Variants in CNTNAP5 observed in about 807,000 individuals in gnomAD.
CNTNAP5 encodes the protein contactin associated protein family member 5, also known as contactin-associated protein-like 5.
Under a neutral mutation model 150.2 loss-of-function variants are expected in CNTNAP5, and 72 were observed. The ratio of observed to expected loss-of-function variants is 0.48; its 90% CI spans 0.40 to 0.58. CNTNAP5 has a LOEUF of 0.58. Among genes scored for constraint, CNTNAP5 ranks in the 20% least tolerant of loss-of-function variants. CNTNAP5 has a pLI of 0.00. For missense variants in CNTNAP5, 1,636 were observed against 1,626.2 expected (o/e 1.01, Z -0.10); for synonymous variants, 672 against 619.8 (o/e 1.08, Z -1.25).
At chr2:124,441,821 G>T (rs1165517794) in intron 5 of CNTNAP5, among the ~76,000 whole-genome samples, 1 of 151,336 alleles carries the variant, frequency 6.6e-6, no homozygotes, top group Non-Finnish European at 1.5e-5. Flanking sequence ...TTTCTCCATA[G>T]AATTGGTGGG....
chr2:124,254,685 T>C (rs573602444), intron 3 of CNTNAP5, among the ~76,000 whole-genome samples: 37 of 152,298 alleles, frequency 2.4e-4, no homozygotes, highest in African/African-American at 8.9e-4. Context: ...GGGGACTTGG[T>C]TGATGATGGG....
chr2:124,239,535 C>T (rs1435502801), intron 2 of CNTNAP5, among the ~76,000 whole-genome samples: 1 of 152,060 alleles, frequency 6.6e-6, no homozygotes, highest in East Asian at 1.9e-4. Context: ...ATAAAATTCT[C>T]AGCTTATAAA....
intron 8 of CNTNAP5, among the ~76,000 whole-genome samples, chr2:124,520,654 C>G (rs907350868): frequency 1.3e-5 from 2 of 152,146 alleles, no homozygotes. Flanking sequence ...AGGCCTCAGC[C>G]CCTATATCAT....
chr2:124,836,896 G>T (rs570421246), intron 19 of CNTNAP5, among the ~76,000 whole-genome samples: 2 of 152,170 alleles, frequency 1.3e-5, no homozygotes, highest in East Asian at 3.9e-4. Flanking sequence ...AATATGAATT[G>T]CGAATAATAA....
At chr2:124,148,788 CAT>C (rs1233533931) in intron 1 of CNTNAP5, among the ~76,000 whole-genome samples, 4 of 39,196 alleles carry the variant, frequency 1.0e-4, no homozygotes, top group African/African-American at 2.6e-4. Flanking sequence ...TGTGTGTATA[CAT>C]ATATGTGTGT....
intron 3 of CNTNAP5, among the ~76,000 whole-genome samples, chr2:124,296,842 C>T (rs1688443826): frequency 1.3e-5 from 2 of 152,198 alleles, no homozygotes. Context: ...GCAGTAGGCA[C>T]TGCTATTCAT....
chr2:124,115,302 G>C (rs1178766438), intron 1 of CNTNAP5, among the ~76,000 whole-genome samples: 1 of 152,054 alleles, frequency 6.6e-6, no homozygotes, highest in African/African-American at 2.4e-5. Flanking sequence ...ATAAACCATG[G>C]ACACATTAAG....
chr2:124,546,990 A>G (rs1695526903), intron 10 of CNTNAP5, among the ~76,000 whole-genome samples: 1 of 152,148 alleles, frequency 6.6e-6, no homozygotes, highest in South Asian at 2.1e-4. Flanking sequence ...TTTATTTTAT[A>G]TGTGTAAATA....
At chr2:124,122,629 G>A (rs1000650539) in intron 1 of CNTNAP5, among the ~76,000 whole-genome samples, 6 of 152,094 alleles carry the variant, frequency 3.9e-5, no homozygotes, top group East Asian at 3.9e-4. Context: ...GAGATAGAAG[G>A]AAAAGGCACA....
In CNTNAP5 at chr2:124,859,298, A is replaced by G. The variant is rs556627886; in HGVS notation, c.3218-6008A>G. On this transcript the variant is annotated intron_variant, in intron 19 of 23. Transcript: ENST00000682447. Reference sequence around the variant, plus strand: ...GAAGACATTTATGCAGCCAAAAAACACATGAAAAAATGCTCACCATCACTG... The same window carrying G: ...GAAGACATTTATGCAGCCAAAAAACGCATGAAAAAATGCTCACCATCACTG... Among the ~76,000 whole-genome samples the G allele has an allele frequency of 2.2e-3, 335 of 152,362 alleles. 6 individuals are homozygous for G. Among genetic ancestry groups the G allele is most frequent in the African/African-American group, 7.3e-3 (305 of 41,592 alleles).
chr2:124,538,907 C>T (rs1428241253), intron 10 of CNTNAP5, among the ~76,000 whole-genome samples: 1 of 152,178 alleles, frequency 6.6e-6, no homozygotes, highest in African/African-American at 2.4e-5. Flanking sequence ...CCGATAAGAG[C>T]CTTCCATCTG....
intron 18 of CNTNAP5, among the ~76,000 whole-genome samples, chr2:124,791,950 G>A (rs1039926719): frequency 6.6e-6 from 1 of 152,056 alleles, no homozygotes; most frequent in African/African-American, 2.4e-5. Flanking sequence ...TCCTCGCAAT[G>A]TAAGTAAGAT....
At chr2:124,510,245 CTATATCTATATCTA>C (rs1455204839) in intron 8 of CNTNAP5, among the ~76,000 whole-genome samples, 2 of 69,198 alleles carry the variant, frequency 2.9e-5, no homozygotes, top group African/African-American at 1.1e-4. Flanking sequence ...ATCTATATAT[CTATATCTATATCTA>C]TATATCTATA....
chr2:124,307,665 T>A (rs1688725419), intron 3 of CNTNAP5, among the ~76,000 whole-genome samples: 1 of 152,162 alleles, frequency 6.6e-6, no homozygotes, highest in Admixed American at 6.6e-5. Flanking sequence ...AGTTCTTGCT[T>A]TGGGGGCTGA....
chr2:124,889,308 C>T (rs889592334), intron 21 of CNTNAP5, among the ~76,000 whole-genome samples: 1 of 151,852 alleles, frequency 6.6e-6, no homozygotes, highest in Non-Finnish European at 1.5e-5. Flanking sequence ...CCATGTTGGT[C>T]TCCAACTCCT....
intron 3 of CNTNAP5, among the ~76,000 whole-genome samples, chr2:124,400,306 T>A (rs996863798): frequency 2.6e-5 from 4 of 151,942 alleles, no homozygotes; most frequent in Admixed American, 2.0e-4. Context: ...GTGATAAATG[T>A]AGGAAGGAAA....
intron 3 of CNTNAP5, among the ~76,000 whole-genome samples, chr2:124,354,349 G>A (rs1689947729): frequency 6.6e-6 from 1 of 151,972 alleles, no homozygotes; most frequent in Non-Finnish European, 1.5e-5. Context: ...AATGTCTACT[G>A]ACAAATCTCC....
chr2:124,177,095 G>T (rs990509426), intron 1 of CNTNAP5, among the ~76,000 whole-genome samples: 4 of 151,966 alleles, frequency 2.6e-5, no homozygotes, highest in African/African-American at 9.7e-5. Flanking sequence ...TGATCCGCTC[G>T]CCTTGGCCTC....
At chr2:124,388,882 T>C (rs1396835763) in intron 3 of CNTNAP5, among the ~76,000 whole-genome samples, 5 of 152,092 alleles carry the variant, frequency 3.3e-5, no homozygotes, top group Non-Finnish European at 7.4e-5. Context: ...CGTTTCACCA[T>C]GTTGACCAGG....
Sources: allele counts gnomAD v4.1 joint callset (sites outside exome capture counted in the v4.1 genomes callset), GRCh38; gene constraint gnomAD v4.1.1; transcripts MANE v1.5; gene names NCBI Gene and HGNC (gene_info 2026-07-23, HGNC 2026-07-21).